Variants in PTPN4 observed in about 807,000 individuals in gnomAD.
PTPN4 encodes the protein tyrosine-protein phosphatase non-receptor type 4.
PTPN4 carries 49 observed loss-of-function variants against 135.5 expected under a neutral mutation model. That is an observed-to-expected ratio of 0.36 (90% CI 0.29 to 0.46). The LOEUF (loss-of-function observed/expected upper bound fraction) is 0.46, where lower values mean the gene tolerates loss of function less well. Ranked by LOEUF, PTPN4 falls within the 20% of genes least tolerant of loss-of-function variation. The probability of loss-of-function intolerance (pLI) is 1.00; values close to 1 mark genes in which losing one functional copy is unlikely to be tolerated. For missense variants in PTPN4, 860 were observed against 1,101.0 expected (o/e 0.78, Z 3.10); for synonymous variants, 333 against 369.9 (o/e 0.90, Z 1.14).
chr2:119,766,277 A>G (rs1027366869), intron 1 of PTPN4, among the ~76,000 whole-genome samples: 1 of 152,324 alleles, frequency 6.6e-6, no homozygotes, highest in South Asian at 2.1e-4. Flanking sequence ...TAGAAAGTTT[A>G]TGGTTCCTAC....
At chr2:119,835,207 CAG>C (rs1677273140) in intron 2 of PTPN4, among the ~76,000 whole-genome samples, 1 of 151,978 alleles carries the variant, frequency 6.6e-6, no homozygotes, top group African/African-American at 2.4e-5. Flanking sequence ...TTTTTTGAGA[CAG>C]AGTCTCACTC....
chr2:119,861,237 A>G (rs1450487874), intron 2 of PTPN4, among the ~76,000 whole-genome samples: 3 of 152,038 alleles, frequency 2.0e-5, no homozygotes, highest in African/African-American at 4.8e-5. Flanking sequence ...TTAATCTAGT[A>G]CTGTGATAGT....
intron 1 of PTPN4, among the ~76,000 whole-genome samples, chr2:119,769,055 G>A (rs1690688880): frequency 6.6e-6 from 1 of 152,232 alleles, no homozygotes; most frequent in Admixed American, 6.5e-5. Flanking sequence ...GAAGCAATGG[G>A]TGGGACTGTC....
rs1391879279 is a variant in PTPN4, at chr2:119,984,178, C to G, written c.*7108C>G. The stretch of plus-strand genomic sequence containing the variant: ...CAAATAAGAAAAGCTACTCCTTATT[C>G]TCTACAGTGTAGGCTTAATTTTAGA... On this transcript the variant is annotated 3_prime_UTR_variant, in exon 27 of 27. Coordinates refer to ENST00000263708, the MANE Select transcript of PTPN4 (RefSeq NM_002830.4). Among the ~76,000 whole-genome samples the G allele has an allele frequency of 6.6e-6, 1 of 152,192 alleles. No homozygotes were observed. The highest frequency in any genetic ancestry group is 1.5e-5 in the Non-Finnish European group (1 of 68,026).
intron 5 of PTPN4, among the ~76,000 whole-genome samples, chr2:119,880,407 C>G (rs958775930): frequency 6.6e-6 from 1 of 151,768 alleles, no homozygotes; most frequent in African/African-American, 2.4e-5. Context: ...TGTTTCTTAC[C>G]AGGAACCTTT....
At chr2:119,950,056 T>C (rs1679190094) in intron 18 of PTPN4, among the ~76,000 whole-genome samples, 1 of 152,172 alleles carries the variant, frequency 6.6e-6, no homozygotes, top group South Asian at 2.1e-4. Flanking sequence ...GAGTTCCCTT[T>C]AGTGATAATG....
At chr2:119,801,026 C>A (rs971089142) in intron 1 of PTPN4, among the ~76,000 whole-genome samples, 8 of 151,820 alleles carry the variant, frequency 5.3e-5, no homozygotes, top group African/African-American at 1.9e-4. Context: ...TAGTTACTCC[C>A]ACTTTAGTCT....
chr2:119,802,801 TA>T (rs1691399350), intron 1 of PTPN4, among the ~76,000 whole-genome samples: 1 of 152,222 alleles, frequency 6.6e-6, no homozygotes. Flanking sequence ...ACTTTTTCTT[TA>T]AATGTTAGGT....
intron 9 of PTPN4, among the ~76,000 whole-genome samples, chr2:119,888,059 T>G (rs1264310706): frequency 1.3e-5 from 2 of 152,178 alleles, no homozygotes; most frequent in Non-Finnish European, 2.9e-5. Context: ...TGTTTTGTAG[T>G]TTTCCTTGTA....
chr2:119,837,837 G>A (rs1054645404), intron 2 of PTPN4, among the ~76,000 whole-genome samples: 6 of 152,200 alleles, frequency 3.9e-5, no homozygotes, highest in African/African-American at 9.6e-5. Flanking sequence ...CGGAAGTCTC[G>A]TGTGTTACAT....
At chr2:119,919,200 G>T (rs1678702746) in intron 11 of PTPN4, among the ~76,000 whole-genome samples, 1 of 152,136 alleles carries the variant, frequency 6.6e-6, no homozygotes, top group Non-Finnish European at 1.5e-5. Context: ...GGATGTGAAT[G>T]TTGCTATATG....
intron 8 of PTPN4, among the ~76,000 whole-genome samples, 186 bp downstream of exon 8, chr2:119,882,809 A>G (rs1159718626): frequency 6.6e-6 from 1 of 152,110 alleles, no homozygotes; most frequent in Non-Finnish European, 1.5e-5. Context: ...TATGAAGCTC[A>G]TTTTCATTTC....
intron 3 of PTPN4, 72 bp from the exon 4 acceptor site, chr2:119,877,251 A>G: frequency 6.6e-7 from 1 of 1,508,966 alleles, no homozygotes; most frequent in Non-Finnish European, 8.9e-7. Context: ...TCCAAATGGA[A>G]CAGATTTGCA....
chr2:119,811,485 A>G (rs1162105449), intron 2 of PTPN4, among the ~76,000 whole-genome samples: 6 of 152,192 alleles, frequency 3.9e-5, no homozygotes, highest in Admixed American at 2.6e-4. Flanking sequence ...ATCATCTGTT[A>G]ATATATAGTT....
At chr2:119,966,459 C>T (rs1179518144) in intron 25 of PTPN4, among the ~76,000 whole-genome samples, 2 of 152,068 alleles carry the variant, frequency 1.3e-5, no homozygotes, top group Admixed American at 1.3e-4. Flanking sequence ...GTTTTTGCCA[C>T]GTTGCCCAGG....
chr2:119,854,527 G>T (rs1249369743), intron 2 of PTPN4, among the ~76,000 whole-genome samples: 1 of 152,182 alleles, frequency 6.6e-6, no homozygotes, highest in Non-Finnish European at 1.5e-5. Flanking sequence ...CTGCTGAAAA[G>T]GGGCGTCAAG....
chr2:119,974,222 T>A (rs1396654501), intron 26 of PTPN4, among the ~76,000 whole-genome samples: 1 of 152,162 alleles, frequency 6.6e-6, no homozygotes, highest in Non-Finnish European at 1.5e-5. Flanking sequence ...TTGTTTTGTT[T>A]TGTTTTGAGA....
intron 9 of PTPN4, among the ~76,000 whole-genome samples, chr2:119,897,864 G>GTAT (rs1678347268): frequency 6.6e-6 from 1 of 152,114 alleles, no homozygotes; most frequent in Non-Finnish European, 1.5e-5. Flanking sequence ...ATCAAATAAC[G>GTAT]TATTTGATAA....
chr2:119,877,199 C>T (rs1270075261), intron 3 of PTPN4, 124 bp from the exon 4 acceptor site: 2 of 933,004 alleles, frequency 2.1e-6, no homozygotes, highest in Non-Finnish European at 3.1e-6. Flanking sequence ...TGATTTTTTT[C>T]CTACCTGGGC....
Sources: allele counts gnomAD v4.1 joint callset (sites outside exome capture counted in the v4.1 genomes callset), GRCh38; gene constraint gnomAD v4.1.1; transcripts MANE v1.5; gene names NCBI Gene and HGNC (gene_info 2026-07-23, HGNC 2026-07-21).